Variants in TPO observed in about 807,000 individuals in gnomAD.
TPO encodes the protein thyroid microsomal antigen.
A neutral mutation model predicts 96.9 loss-of-function variants in TPO; 78 were observed. That is an observed-to-expected ratio of 0.81 (90% CI 0.67 to 0.97). TPO has a LOEUF of 0.97. Ranked by LOEUF, TPO falls within the 50% of genes least tolerant of loss-of-function variation. The probability of loss-of-function intolerance (pLI) is 0.00; values close to 1 mark genes in which losing one functional copy is unlikely to be tolerated. For synonymous variants in TPO, 547 were observed against 538.0 expected (o/e 1.02, Z -0.23); for missense variants, 1,252 against 1,274.8 (o/e 0.98, Z 0.27).
intron 16 of TPO, chr2:1,542,068 T>C (rs1680824346): frequency 2.8e-6 from 1 of 354,784 alleles, no homozygotes; most frequent in African/African-American, 2.1e-5. Context: ...GGGCCCCTAA[T>C]TAGTCTGACT....
At chr2:1,472,394 C>G (rs547820489) in intron 7 of TPO, among the ~76,000 whole-genome samples, 25 of 152,156 alleles carry the variant, frequency 1.6e-4, no homozygotes, top group Non-Finnish European at 2.9e-4. Context: ...ACGGTGTGCC[C>G]TTTCCATGAT....
chr2:1,437,819 C>T (rs1665735067), intron 5 of TPO, among the ~76,000 whole-genome samples: 2 of 136,298 alleles, frequency 1.5e-5, no homozygotes, highest in African/African-American at 5.4e-5. Flanking sequence ...CTGTCCACCC[C>T]TCCTGCCCTG....
chr2:1,515,182 C>G (rs934080731), intron 14 of TPO, among the ~76,000 whole-genome samples: 4 of 152,240 alleles, frequency 2.6e-5, no homozygotes, highest in Non-Finnish European at 5.9e-5. Flanking sequence ...TCCCCGCACC[C>G]CCAGCCCCAG....
chr2:1,509,160 G>C (rs1354237575), intron 14 of TPO, among the ~76,000 whole-genome samples: 2 of 152,190 alleles, frequency 1.3e-5, no homozygotes, highest in Non-Finnish European at 2.9e-5. Flanking sequence ...AGTCATTCAG[G>C]AGCAGGTTGT....
chr2:1,478,148 C>A, intron 8 of TPO: 1 of 984,962 alleles, frequency 1.0e-6, no homozygotes, highest in Non-Finnish European at 1.2e-6. Flanking sequence ...CTATTTGAAA[C>A]CTTTCTTCAT....
intron 15 of TPO, among the ~76,000 whole-genome samples, chr2:1,533,763 C>A (rs1173197848): frequency 3.4e-4 from 16 of 47,662 alleles, no homozygotes; most frequent in South Asian, 1.3e-3. Flanking sequence ...ATTCCTCCCC[C>A]ACTCTGAGTA....
Position 1,477,393 on chromosome 2 carries a change from C to A in TPO, c.1127C>A (p.Ala376Glu), listed in dbSNP as rs1377963820. 2.6e-6 allele frequency: 4 copies of A among 1,524,658 alleles called. No individual in the cohort carries two copies. Among genetic ancestry groups the A allele is most frequent in the South Asian group, 2.4e-5 (2 of 82,264 alleles). The allele number at this position is 1,524,658 out of a possible 1,614,324, so 94.4% of individuals were successfully genotyped here. A position where few individuals can be genotyped will look rare whatever the true frequency, so the allele number is the denominator to read the frequency against. ...FVPPRAPAAC[A>E]PEPGIPGETR... ...CCGCCACGCGCGCCTGCGGCCTGTG[C>A]GCCCGAGCCCGGCATCCCCGGAGAG... The change falls in exon 8 of 17, where the codon GCG becomes GAG. Residue 376 changes from alanine to glutamate, a missense_variant. By Grantham distance (107) the Ala-to-Glu change is moderately radical. Coordinates refer to ENST00000329066, the MANE Select transcript of TPO (RefSeq NM_001206744.2).
At chr2:1,397,067 T>C (rs1662092699) in intron 1 of TPO, among the ~76,000 whole-genome samples, 1 of 152,194 alleles carries the variant, frequency 6.6e-6, no homozygotes, top group South Asian at 2.1e-4. Flanking sequence ...AGGCTCATTT[T>C]CGTCATCTGA....
intron 5 of TPO, among the ~76,000 whole-genome samples, chr2:1,451,549 T>C (rs1433150187): frequency 6.6e-6 from 1 of 152,198 alleles, no homozygotes; most frequent in Non-Finnish European, 1.5e-5. Context: ...CACGCCTGAC[T>C]CTTTTGTCAT....
At chr2:1,405,090 A>T (rs1662229698) in intron 1 of TPO, among the ~76,000 whole-genome samples, 1 of 79,512 alleles carries the variant, frequency 1.3e-5, no homozygotes, top group Non-Finnish European at 2.3e-5. Context: ...CCATCGGCCC[A>T]TTCACCCATC....
chr2:1,415,694 A>G (rs940388314), intron 2 of TPO, among the ~76,000 whole-genome samples: 1 of 152,172 alleles, frequency 6.6e-6, no homozygotes, highest in South Asian at 2.1e-4. Context: ...CTCTGGACAC[A>G]GTCTTGGGGC....
chr2:1,386,839 G>A (rs2148351614), intron 1 of TPO, among the ~76,000 whole-genome samples: 1 of 152,302 alleles, frequency 6.6e-6, no homozygotes, highest in East Asian at 1.9e-4. Context: ...TGTTTTTGCA[G>A]TGGCTGGTAC....
At chr2:1,435,561 A>G (rs1458402301) in intron 4 of TPO, among the ~76,000 whole-genome samples, 4 of 152,234 alleles carry the variant, frequency 2.6e-5, no homozygotes, top group African/African-American at 9.6e-5. Flanking sequence ...AAAGATTTAT[A>G]TAAACCATAT....
At chr2:1,482,098 C>T (rs1005093150) in intron 8 of TPO, among the ~76,000 whole-genome samples, 1 of 152,178 alleles carries the variant, frequency 6.6e-6, no homozygotes, top group African/African-American at 2.4e-5. Context: ...TGATGTTCTG[C>T]GTAGAGCAGG....
At chr2:1,436,147 A>G in intron 4 of TPO, 105 bp from the exon 5 acceptor site, 1 of 1,581,184 alleles carries the variant, frequency 6.3e-7, no homozygotes, top group Non-Finnish European at 8.6e-7. Context: ...TTACATATGA[A>G]TCCCAAATTC....
At chr2:1,470,415 G>T (rs1452253765) in intron 7 of TPO, among the ~76,000 whole-genome samples, 1 of 151,910 alleles carries the variant, frequency 6.6e-6, no homozygotes, top group Non-Finnish European at 1.5e-5. Context: ...TTTTCATTTT[G>T]TTTACGGTGC....
chr2:1,429,649 GATGGAA>G (rs1664781379), intron 3 of TPO, among the ~76,000 whole-genome samples: 2 of 152,224 alleles, frequency 1.3e-5, no homozygotes, highest in African/African-American at 4.8e-5. Flanking sequence ...CATGGTCTCA[GATGGAA>G]ATGAGGAACT....
intron 14 of TPO, among the ~76,000 whole-genome samples, chr2:1,508,208 A>G (rs1406538613): frequency 6.6e-6 from 1 of 152,074 alleles, no homozygotes; most frequent in Admixed American, 6.5e-5. Flanking sequence ...CGTATGTTGA[A>G]CCAGCCTTGC....
chr2:1,403,386 T>C (rs1662200621), intron 1 of TPO, among the ~76,000 whole-genome samples: 1 of 152,154 alleles, frequency 6.6e-6, no homozygotes, highest in Admixed American at 6.5e-5. Context: ...CATCGTGAGA[T>C]AGAATGAAAT....
Sources: allele counts gnomAD v4.1 joint callset (sites outside exome capture counted in the v4.1 genomes callset), GRCh38; gene constraint gnomAD v4.1.1; transcripts MANE v1.5; gene names NCBI Gene and HGNC (gene_info 2026-07-23, HGNC 2026-07-21).